The following TMEM232 variants were observed in gnomAD, a reference collection of about 807,000 sequenced individuals.
TMEM232 encodes the protein transmembrane protein 232.
A neutral mutation model predicts 78.8 loss-of-function variants in TMEM232; 80 were observed. That is an observed-to-expected ratio of 1.01 (90% CI 0.85 to 1.22). The LOEUF is 1.22. Ranked by LOEUF, TMEM232 falls within the 50% of genes most tolerant of loss-of-function variation. The probability of loss-of-function intolerance (pLI) is 0.00; values close to 1 mark genes in which losing one functional copy is unlikely to be tolerated. For missense variants in TMEM232, 881 were observed against 742.2 expected (o/e 1.19, Z -2.17); for synonymous variants, 297 against 254.3 (o/e 1.17, Z -1.60).
intron 5 of TMEM232, among the ~76,000 whole-genome samples, chr5:110,628,487 G>T (rs1382577918): frequency 6.6e-6 from 1 of 151,950 alleles, no homozygotes; most frequent in Non-Finnish European, 1.5e-5. Flanking sequence ...ACTTCTGTAA[G>T]ATTAGTAAAA....
chr5:110,615,870 A>C (rs1782859780), intron 8 of TMEM232, among the ~76,000 whole-genome samples: 2 of 152,002 alleles, frequency 1.3e-5, no homozygotes, highest in South Asian at 4.1e-4. Context: ...TATCTGAAGA[A>C]GATATTATGA....
intron 12 of TMEM232, among the ~76,000 whole-genome samples, chr5:110,455,355 T>C (rs1442826245): frequency 1.3e-5 from 2 of 151,958 alleles, no homozygotes; most frequent in Non-Finnish European, 2.9e-5. Context: ...TAGTGAACAA[T>C]ATTTCTCATG....
chr5:110,455,447 G>A lies in TMEM232; in HGVS notation c.1704-30531C>T, dbSNP rs193287119. On this transcript the variant is annotated intron_variant, in intron 12 of 13. Coordinates refer to ENST00000455884, the MANE Select transcript of TMEM232 (RefSeq NM_001039763.4). ...GGCTGGAGTGCAGTGGCGCAATCTC[G>A]GCTCACTGCAAGCTCCACCTCTTGC... Among the ~76,000 whole-genome samples the A allele has an allele frequency of 4.0e-3, 601 of 150,770 alleles. 8 individuals are homozygous for A. Among genetic ancestry groups the A allele is most frequent in the South Asian group, 0.031 (147 of 4,768 alleles).
chr5:110,440,315 G>T (rs535650384), intron 12 of TMEM232, among the ~76,000 whole-genome samples: 9 of 152,100 alleles, frequency 5.9e-5, no homozygotes, highest in Non-Finnish European at 1.0e-4. Context: ...TTGCCATTCT[G>T]CTGGAAATAC....
intron 6 of TMEM232, 105 bp downstream of exon 6, chr5:110,627,676 T>C: frequency 1.2e-6 from 1 of 846,836 alleles, no homozygotes; most frequent in Non-Finnish European, 1.7e-6. Flanking sequence ...ACCTATTATC[T>C]TTTATGAAAA....
intron 2 of TMEM232, among the ~76,000 whole-genome samples, chr5:110,663,375 T>C (rs781399297): frequency 1.1e-4 from 17 of 152,030 alleles, no homozygotes; most frequent in Non-Finnish European, 1.9e-4. Flanking sequence ...AACATATTAA[T>C]AAGAATAAGA....
intron 12 of TMEM232, among the ~76,000 whole-genome samples, chr5:110,448,026 AT>A (rs1461643308): frequency 6.6e-6 from 1 of 152,092 alleles, no homozygotes; most frequent in African/African-American, 2.4e-5. Flanking sequence ...GAATATGTAT[AT>A]TGAAATGACT....
At chr5:110,527,674 T>A (rs912566089) in intron 12 of TMEM232, among the ~76,000 whole-genome samples, 1 of 151,876 alleles carries the variant, frequency 6.6e-6, no homozygotes, top group African/African-American at 2.4e-5. Context: ...AAATCCAGAA[T>A]GGCAAAATCA....
intron 11 of TMEM232, among the ~76,000 whole-genome samples, chr5:110,529,492 C>T (rs1050633825): frequency 4.6e-5 from 7 of 152,138 alleles, no homozygotes; most frequent in African/African-American, 4.8e-5. Flanking sequence ...GGTGATCCAC[C>T]TGCCTCAGCT....
At chr5:110,677,852 T>G (rs528352489) in intron 1 of TMEM232, among the ~76,000 whole-genome samples, 16 of 152,298 alleles carry the variant, frequency 1.1e-4, no homozygotes, top group African/African-American at 3.8e-4. Flanking sequence ...GTGAGACTCA[T>G]TTTTCTACTA....
At chr5:110,427,133 G>GA (rs1337730101) in intron 12 of TMEM232, among the ~76,000 whole-genome samples, 2 of 151,672 alleles carry the variant, frequency 1.3e-5, no homozygotes, top group Admixed American at 6.6e-5. Context: ...GATAGAAACA[G>GA]AAAAAATATA....
rs1453140492 is a variant in TMEM232, at chr5:110,641,003, T to C, written c.238-7A>G. On this transcript the variant is annotated splice_polypyrimidine_tract_variant and splice_region_variant and intron_variant, in intron 3 of 13. Coordinates refer to ENST00000455884, the MANE Select transcript of TMEM232 (RefSeq NM_001039763.4). ...TTTTGAGACCCAATTTTCTCTGTTATGAGGAAGCATGAAAAAGACAAATCA... is the reference window on the plus strand; with the variant it reads ...TTTTGAGACCCAATTTTCTCTGTTACGAGGAAGCATGAAAAAGACAAATCA... 2.0e-6 allele frequency: 3 copies of C among 1,492,960 alleles called. No homozygotes were observed. Among genetic ancestry groups the C allele is most frequent in the Admixed American group, 2.3e-5 (1 of 43,034 alleles). The allele number at this position is 1,492,960 out of a possible 1,614,324, so 92.5% of individuals were successfully genotyped here. A position where few individuals can be genotyped will look rare whatever the true frequency, so the allele number is the denominator to read the frequency against.
At chr5:110,629,628 CTCTCTT>C (rs1215663955) in intron 5 of TMEM232, among the ~76,000 whole-genome samples, 1 of 152,118 alleles carries the variant, frequency 6.6e-6, no homozygotes, top group African/African-American at 2.4e-5. Flanking sequence ...CCTCCTTCTT[CTCTCTT>C]TCTATTTCCA....
intron 12 of TMEM232, among the ~76,000 whole-genome samples, chr5:110,492,685 T>C (rs1186852937): frequency 1.3e-5 from 2 of 152,002 alleles, no homozygotes. Context: ...AAACATGCTC[T>C]AAATATTTGA....
intron 5 of TMEM232, among the ~76,000 whole-genome samples, chr5:110,636,735 G>A (rs1785893129): frequency 6.6e-6 from 1 of 151,934 alleles, no homozygotes; most frequent in Non-Finnish European, 1.5e-5. Context: ...GTGAAATCAT[G>A]AATAATCCTC....
chr5:110,566,441 T>C (rs913862314), intron 11 of TMEM232, among the ~76,000 whole-genome samples: 1 of 151,894 alleles, frequency 6.6e-6, no homozygotes, highest in Non-Finnish European at 1.5e-5. Flanking sequence ...ACTTTTATGC[T>C]CTGCTTCCTC....
chr5:110,567,025 G>C (rs531441214), intron 11 of TMEM232, among the ~76,000 whole-genome samples: 2 of 151,856 alleles, frequency 1.3e-5, no homozygotes, highest in African/African-American at 2.4e-5. Flanking sequence ...CAGGGAAACT[G>C]TCTTTATAAA....
chr5:110,602,010 A>G (rs1230339934), intron 10 of TMEM232, among the ~76,000 whole-genome samples: 1 of 152,174 alleles, frequency 6.6e-6, no homozygotes, highest in African/African-American at 2.4e-5. Context: ...CAATCATCTG[A>G]TCTTCGACAA....
intron 12 of TMEM232, among the ~76,000 whole-genome samples, chr5:110,442,387 C>T (rs1357959231): frequency 6.6e-6 from 1 of 151,776 alleles, no homozygotes; most frequent in Admixed American, 6.6e-5. Context: ...CTTTCTTCTG[C>T]TTGATCAGTT....
Sources: allele counts gnomAD v4.1 joint callset (sites outside exome capture counted in the v4.1 genomes callset), GRCh38; gene constraint gnomAD v4.1.1; transcripts MANE v1.5; gene names NCBI Gene and HGNC (gene_info 2026-07-23, HGNC 2026-07-21).